The following FKBP14 variants were observed in gnomAD, a reference collection of about 807,000 sequenced individuals.
The protein encoded by FKBP14 is FKBP prolyl isomerase 14.
FKBP14 carries 20 observed loss-of-function variants against 21.6 expected under a neutral mutation model. The observed-to-expected ratio is 0.92, with a 90% CI of 0.65 to 1.34. The LOEUF (loss-of-function observed/expected upper bound fraction) is 1.34. Among genes scored for constraint, FKBP14 ranks in the 40% most tolerant of loss-of-function variants. The probability of loss-of-function intolerance (pLI) is 0.00; values close to 1 mark genes in which losing one functional copy is unlikely to be tolerated. For missense variants in FKBP14, 253 were observed against 249.0 expected, an observed-to-expected ratio of 1.02 and a Z score of -0.11; for synonymous variants, 79 against 86.7, an observed-to-expected ratio of 0.91 and a Z score of 0.49.
At chr7:30,019,304 A>G (rs958290871) in intron 2 of FKBP14, among the ~76,000 whole-genome samples, 181 bp from the exon 3 acceptor site, 3 of 152,162 alleles carry the variant, frequency 2.0e-5, no homozygotes, top group Non-Finnish European at 2.9e-5. Context: ...AAAAGAAGAA[A>G]TAATATACAC....
intron 2 of FKBP14, among the ~76,000 whole-genome samples, chr7:30,019,572 A>G (rs1046626047): frequency 6.6e-6 from 1 of 152,268 alleles, no homozygotes; most frequent in South Asian, 2.1e-4. Context: ...TGCCATTTCT[A>G]CCACTAGAAG....
chr7:30,020,528 C>A (rs1390821797), intron 2 of FKBP14, among the ~76,000 whole-genome samples: 1 of 152,182 alleles, frequency 6.6e-6, no homozygotes, highest in East Asian at 1.9e-4. Flanking sequence ...AAACCCCATA[C>A]ATACAATGCT....
intron 2 of FKBP14, among the ~76,000 whole-genome samples, chr7:30,020,515 A>G (rs984992759): frequency 6.6e-6 from 1 of 152,180 alleles, no homozygotes; most frequent in Admixed American, 6.5e-5. Context: ...CATGGATAGT[A>G]CCAAACCCCA....
chr7:30,014,717 A>G lies in FKBP14; in HGVS notation c.*18T>C. ...TCTCTTGAAAGATGAGTGCTATATT[A>G]AAAGGGTAGATGTATCTCTATAACT... is the stretch of plus-strand genomic sequence containing the variant. On this transcript the variant is annotated 3_prime_UTR_variant, in exon 4 of 4. Transcript: ENST00000222803. The G allele has an allele frequency of 6.7e-7, 1 of 1,503,748 alleles. No individual in the cohort carries two copies. The highest frequency in any genetic ancestry group is 8.9e-7 in the Non-Finnish European group (1 of 1,125,440). The allele number at this position is 1,503,748 out of a possible 1,614,324, so 93.2% of individuals were successfully genotyped here.
chr7:30,024,720 G>A (rs1562840175), intron 1 of FKBP14, among the ~76,000 whole-genome samples: 1 of 152,196 alleles, frequency 6.6e-6, no homozygotes, highest in South Asian at 2.1e-4. Flanking sequence ...TCTTCATGAA[G>A]TTTACAGTTA....
Position 30,012,856 on chromosome 7 carries a change from T to C in FKBP14, c.*1879A>G, listed in dbSNP as rs375404260. On this transcript the variant is annotated 3_prime_UTR_variant, in exon 4 of 4. Transcript: ENST00000222803. ...AAAGATAAACAACGGCACAGCAAAC[T>C]GAAGAGAGAATTAGACCCCAGGGAA... is the stretch of plus-strand genomic sequence containing the variant. 6.6e-6 allele frequency: 1 copy of C among 152,268 alleles called. No individual in the cohort carries two copies. Among genetic ancestry groups the C allele is most frequent in the South Asian group, 2.1e-4 (1 of 4,832 alleles). 9.4% of individuals were successfully genotyped at this position (152,268 alleles called of 1,614,324 possible).
Position 30,022,718 on chromosome 7 carries a change from T to C in FKBP14, c.296A>G (p.Glu99Gly), listed in dbSNP as rs772142535. 1.2e-6 allele frequency: 2 copies of C among 1,614,032 alleles called. No individual in the cohort carries two copies. Among genetic ancestry groups the C allele is most frequent in the East Asian group, 2.2e-5 (1 of 44,868 alleles). ...DQGLKGMCVG[E>G]KRKLIIPPAL... is the part of the protein sequence containing the mutation. ...AGGAGGAATGATGAGCTTTCTCTTC[T>C]CTCCTACACACATTCCTTTCAAGCC... is the stretch of plus-strand genomic sequence containing the variant. Residue 99 changes from glutamate (E) to glycine (G), a missense_variant, in exon 2 of 4, where the codon GAG becomes GGG. Glu to Gly is a moderately conservative substitution (Grantham distance 98). Transcript: ENST00000222803.
intron 1 of FKBP14, chr7:30,025,545 G>C (rs1180085564): frequency 6.6e-6 from 1 of 152,194 alleles, no homozygotes; most frequent in Admixed American, 6.5e-5. Context: ...CTAGCACCCA[G>C]AACATGGCTT....
At chr7:30,018,959 A>T (rs1423599738) in intron 3 of FKBP14, 37 bp downstream of exon 3, 2 of 1,595,682 alleles carry the variant, frequency 1.3e-6, no homozygotes, top group South Asian at 1.1e-5. Context: ...ACAACCAAAG[A>T]AAAGTAGAAA....
chr7:30,020,683 CCTTAATAT>C (rs1234378284), intron 2 of FKBP14, among the ~76,000 whole-genome samples: 1 of 152,064 alleles, frequency 6.6e-6, no homozygotes, highest in Non-Finnish European at 1.5e-5. Context: ...TCTCAAAATA[CCTTAATAT>C]TTTCAGACTG....
Position 30,011,595 on chromosome 7 carries a change from T to C in FKBP14, c.*3140A>G, listed in dbSNP as rs951043473. The C allele has an allele frequency of 8.0e-6, 1 of 125,738 alleles. No individual in the cohort carries two copies. The highest frequency in any genetic ancestry group is 3.0e-5 in the African/African-American group (1 of 33,000). The allele number at this position is 125,738 out of a possible 1,614,324, so 7.8% of individuals were successfully genotyped here. A position where few individuals can be genotyped will look rare whatever the true frequency, so the allele number is the denominator to read the frequency against. On this transcript the variant is annotated 3_prime_UTR_variant, in exon 4 of 4. Coordinates refer to ENST00000222803, the MANE Select transcript of FKBP14 (RefSeq NM_017946.4). The stretch of plus-strand genomic sequence containing the variant: ...ATATGGTATATATATATATATAGTA[T>C]ATATATATATATATATTTTTTTTTT...
At chr7:30,015,528 A>G (rs549586070) in intron 3 of FKBP14, among the ~76,000 whole-genome samples, 68 of 151,720 alleles carry the variant, frequency 4.5e-4, no homozygotes, top group Admixed American at 7.2e-4. Flanking sequence ...ATCCTCATAT[A>G]GGGCTTATAT....
In FKBP14 at chr7:30,022,788, A is replaced by G; in HGVS notation, c.226T>C (p.Trp76Arg). Residue 76 changes from tryptophan (W) to arginine (R), a missense_variant, in exon 2 of 4, where the codon TGG (tryptophan) becomes CGG (arginine). Physicochemically the swap from Trp to Arg is moderately radical, Grantham distance 101. Transcript: ENST00000222803. ...THKHNNGQPI[W>R]FTLGILEALK... ...GCCTCCAGGATGCCCAGGGTAAACC[A>G]AATGGGCTGACCATTGTTATGTTTG... 6 of 1,614,084 alleles carry G rather than the reference A, an allele frequency of 3.7e-6. No individual in the cohort carries two copies. Among genetic ancestry groups the G allele is most frequent in the Non-Finnish European group, 5.1e-6 (6 of 1,179,990 alleles).
intron 2 of FKBP14, among the ~76,000 whole-genome samples, chr7:30,022,079 A>G (rs1292424192): frequency 6.6e-6 from 1 of 152,202 alleles, no homozygotes; most frequent in African/African-American, 2.4e-5. Flanking sequence ...AAATTTAAAA[A>G]CGGGAATGAA....
chr7:30,015,365 T>G (rs958666009), intron 3 of FKBP14, among the ~76,000 whole-genome samples: 1 of 151,632 alleles, frequency 6.6e-6, no homozygotes, highest in Non-Finnish European at 1.5e-5. Context: ...TTGCAGTGAA[T>G]CGAGATTGCG....
chr7:30,007,906 G>A (rs767711614), downstream of FKBP14, among the ~76,000 whole-genome samples: 12 of 152,028 alleles, frequency 7.9e-5, no homozygotes, highest in Admixed American at 5.9e-4. Context: ...AAAATTAGCC[G>A]GGCACGCTGG....
rs1240703534 is a variant in FKBP14, at chr7:30,011,572, A to G, written c.*3163T>C. 1 of 138,642 alleles carries G rather than the reference A, an allele frequency of 7.2e-6. No individual in the cohort carries two copies. Among genetic ancestry groups the G allele is most frequent in the African/African-American group, 2.7e-5 (1 of 37,156 alleles). The allele number at this position is 138,642 out of a possible 1,614,324, so 8.6% of individuals were successfully genotyped here. ...TACTATATATATATATACCATATAT[A>G]TGGTATATATATATATATAGTATAT... On this transcript the variant is annotated 3_prime_UTR_variant, in exon 4 of 4. Transcript: ENST00000222803.
At chr7:30,007,474 C>T (rs1287234854), downstream of FKBP14, among the ~76,000 whole-genome samples, 1 of 152,102 alleles carries the variant, frequency 6.6e-6, no homozygotes, top group Non-Finnish European at 1.5e-5. Context: ...TCCAAAAGTG[C>T]TGGGATTACA....
Position 30,010,824 on chromosome 7 carries a change from C to T in FKBP14, c.*3911G>A, listed in dbSNP as rs1368115829. 1 of 152,006 alleles carries T rather than the reference C, an allele frequency of 6.6e-6. No homozygotes were observed. The highest frequency in any genetic ancestry group is 1.9e-4 in the East Asian group (1 of 5,194). The allele number at this position is 152,006 out of a possible 1,614,324, so 9.4% of individuals were successfully genotyped here. A position where few individuals can be genotyped will look rare whatever the true frequency, so the allele number is the denominator to read the frequency against. On this transcript the variant is annotated 3_prime_UTR_variant, in exon 4 of 4. Coordinates refer to ENST00000222803, the MANE Select transcript of FKBP14 (RefSeq NM_017946.4). Reference sequence around the variant, plus strand: ...CATAGGCCTAGGCTAGTGTGTTTGTCTTGGTTTTTGACCAAAAAGTTTAAA... The same window carrying T: ...CATAGGCCTAGGCTAGTGTGTTTGTTTTGGTTTTTGACCAAAAAGTTTAAA...
Sources: allele counts gnomAD v4.1 joint callset (sites outside exome capture counted in the v4.1 genomes callset), GRCh38; gene constraint gnomAD v4.1.1; transcripts MANE v1.5; gene names NCBI Gene and HGNC (gene_info 2026-07-23, HGNC 2026-07-21).